The following RYR3 variants were observed in gnomAD, a reference collection of about 807,000 sequenced individuals.
The protein encoded by RYR3 is brain ryanodine receptor-calcium release channel.
In RYR3, 207 loss-of-function variants were observed where a neutral mutation model predicts 584.3. The ratio of observed to expected loss-of-function variants is 0.35; its 90% confidence interval spans 0.32 to 0.40. The LOEUF (loss-of-function observed/expected upper bound fraction) is 0.40. RYR3 is among the 10% of genes least tolerant of loss of function. The pLI, the probability that RYR3 is intolerant of heterozygous loss-of-function variation, is 1.00. For synonymous variants in RYR3, 2,416 were observed against 2,248.5 expected (o/e 1.07, Z -2.11); for missense variants, 5,616 against 6,089.2 (o/e 0.92, Z 2.59).
intron 1 of RYR3, among the ~76,000 whole-genome samples, chr15:33,472,867 C>G (rs993650571): frequency 6.6e-6 from 1 of 152,056 alleles, no homozygotes; most frequent in Admixed American, 6.6e-5. Flanking sequence ...GAGTCTAAAA[C>G]CCATCTCCTT....
chr15:33,507,194 GA>G (rs1305108314), intron 3 of RYR3, among the ~76,000 whole-genome samples: 1 of 152,214 alleles, frequency 6.6e-6, no homozygotes, highest in Non-Finnish European at 1.5e-5. Context: ...TGAGTGTACA[GA>G]AGTCTTTCTG....
intron 64 of RYR3, among the ~76,000 whole-genome samples, chr15:33,776,981 C>T (rs1292162589): frequency 1.3e-5 from 2 of 152,138 alleles, no homozygotes; most frequent in African/African-American, 2.4e-5. Flanking sequence ...CAGTGAGAAC[C>T]GAGACCAGAC....
In RYR3 at chr15:33,701,095, G is replaced by T. The variant is rs773376594; in HGVS notation, c.6483+15G>T. ...ACCTCGAGAAGGTAACCGGCCCTTG[G>T]GGTGGCAGTGTGGTGTTCTCTTCGG... is the stretch of plus-strand genomic sequence containing the variant. On this transcript the variant is annotated intron_variant, in intron 42 of 103. Coordinates refer to ENST00000634891, the MANE Select transcript of RYR3 (RefSeq NM_001036.6). 38 of 1,580,316 alleles carry T rather than the reference G, an allele frequency of 2.4e-5. No individual in the cohort carries two copies. In the African/African-American group the frequency reaches 3.9e-4, roughly 16 times the overall value.
intron 67 of RYR3, among the ~76,000 whole-genome samples, chr15:33,798,280 A>C (rs138613198): frequency 6.6e-6 from 1 of 151,944 alleles, no homozygotes. Flanking sequence ...TAGTAGACAC[A>C]GGGTTTCACC....
At chr15:33,366,804 G>C in intron 1 of RYR3, among the ~76,000 whole-genome samples, 1 of 152,148 alleles carries the variant, frequency 6.6e-6, no homozygotes, top group East Asian at 1.9e-4. Flanking sequence ...CAAGACACTT[G>C]TTATACATAG....
intron 47 of RYR3, among the ~76,000 whole-genome samples, chr15:33,731,168 G>A (rs1596341775): frequency 6.6e-6 from 1 of 152,086 alleles, no homozygotes; most frequent in East Asian, 1.9e-4. Context: ...ATTTTAATGA[G>A]TTCAAAATTC....
At position 33,523,901 on chromosome 15, in the gene RYR3, A is replaced by G. The variant is rs561986560; in HGVS notation, c.280-6691A>G. ...GGCTGCCTCTCTAGCGTTTCCGTGT[A>G]ACACCAAGGGTAAAGAAAGACTCTG... On this transcript the variant is annotated intron_variant, in intron 3 of 103. Coordinates refer to ENST00000634891, the MANE Select transcript of RYR3 (RefSeq NM_001036.6). 2.5e-4 allele frequency among the ~76,000 whole-genome samples: 38 copies of G among 152,230 alleles called. No individual in the cohort carries two copies. The Middle Eastern group carries it at 0.01, about 41-fold the overall frequency.
chr15:33,730,700 A>G lies in RYR3; in HGVS notation c.7204-774A>G, dbSNP rs554112722. Among the ~76,000 whole-genome samples the G allele has an allele frequency of 1.4e-4, 22 of 152,354 alleles. No individual in the cohort carries two copies. The South Asian group carries it at 4.1e-3, about 29-fold the overall frequency. On this transcript the variant is annotated intron_variant, in intron 47 of 103. Coordinates refer to ENST00000634891, the MANE Select transcript of RYR3 (RefSeq NM_001036.6). ...TTCGAAAGTTCTATAGTTTTCAAAG[A>G]TGGTGGTAAAGCATGCTTTGGCTAT...
At chr15:33,660,476 G>A in intron 34 of RYR3, 53 bp downstream of exon 34, 1 of 1,279,408 alleles carries the variant, frequency 7.8e-7, no homozygotes, top group Non-Finnish European at 1.1e-6. Flanking sequence ...AGGTGAGGCA[G>A]AGCCAAGCCA....
At chr15:33,712,186 G>A (rs925178228) in intron 43 of RYR3, among the ~76,000 whole-genome samples, 2 of 152,174 alleles carry the variant, frequency 1.3e-5, no homozygotes, top group African/African-American at 4.8e-5. Context: ...GATCTCTTAA[G>A]AACTCACTGT....
intron 2 of RYR3, among the ~76,000 whole-genome samples, chr15:33,494,012 C>A (rs1298762989): frequency 2.6e-5 from 4 of 152,262 alleles, no homozygotes; most frequent in Non-Finnish European, 5.9e-5. Flanking sequence ...CCAAGAGAGG[C>A]TAGACTTTAA....
Position 33,509,899 on chromosome 15 carries a change from T to C in RYR3, c.279+6161T>C, listed in dbSNP as rs550409875. On this transcript the variant is annotated intron_variant, in intron 3 of 103. Coordinates refer to ENST00000634891, the MANE Select transcript of RYR3 (RefSeq NM_001036.6). ...TGATTGGTAAGAACAGGATATCACATCATTAAATTTTTAACTTGCTTGACT... is the reference window on the plus strand; with the variant it reads ...TGATTGGTAAGAACAGGATATCACACCATTAAATTTTTAACTTGCTTGACT... Among the ~76,000 whole-genome samples the C allele has an allele frequency of 1.3e-3, 197 of 152,332 alleles. 1 individual carries two copies. The highest frequency in any genetic ancestry group is 4.5e-3 in the African/African-American group (186 of 41,570).
chr15:33,431,907 T>G (rs2045189045), intron 1 of RYR3, among the ~76,000 whole-genome samples: 1 of 152,212 alleles, frequency 6.6e-6, no homozygotes, highest in South Asian at 2.1e-4. Flanking sequence ...CTGGGTAGTT[T>G]GTGGGGCCAG....
chr15:33,564,382 T>C (rs1428449087), intron 11 of RYR3, among the ~76,000 whole-genome samples: 1 of 152,152 alleles, frequency 6.6e-6, no homozygotes, highest in Admixed American at 6.5e-5. Flanking sequence ...GATATACAAG[T>C]CAGGGTTCGG....
intron 18 of RYR3, among the ~76,000 whole-genome samples, chr15:33,612,892 C>T (rs1032378763): frequency 6.6e-6 from 1 of 152,216 alleles, no homozygotes; most frequent in East Asian, 1.9e-4. Flanking sequence ...ACTCATTGAG[C>T]ACATTAAGTT....
intron 12 of RYR3, among the ~76,000 whole-genome samples, chr15:33,573,513 G>A (rs1335624820): frequency 6.6e-6 from 1 of 152,210 alleles, no homozygotes; most frequent in Non-Finnish European, 1.5e-5. Context: ...CCAGTAGAAT[G>A]AACAGTGTGA....
intron 86 of RYR3, among the ~76,000 whole-genome samples, chr15:33,833,016 AAAAAAG>A (rs200261519): frequency 4.4e-4 from 65 of 147,356 alleles, no homozygotes; most frequent in Middle Eastern, 3.6e-3. Flanking sequence ...AAAAAAAAAA[AAAAAAG>A]AGCCAAAGGG....
At chr15:33,814,365 A>C (rs528536388) in intron 74 of RYR3, among the ~76,000 whole-genome samples, 1 of 152,356 alleles carries the variant, frequency 6.6e-6, no homozygotes, top group Non-Finnish European at 1.5e-5. Context: ...TGACTTATCA[A>C]ATCAGTAGGA....
At chr15:33,682,996 G>A (rs1161877127) in intron 38 of RYR3, among the ~76,000 whole-genome samples, 1 of 105,326 alleles carries the variant, frequency 9.5e-6, no homozygotes, top group African/African-American at 2.7e-5. Context: ...TGAGAGTCAT[G>A]TTTCCTTTTT....
Sources: allele counts gnomAD v4.1 joint callset (sites outside exome capture counted in the v4.1 genomes callset), GRCh38; gene constraint gnomAD v4.1.1; transcripts MANE v1.5; gene names NCBI Gene and HGNC (gene_info 2026-07-23, HGNC 2026-07-21).